DAG1: variants seen among roughly 807,000 people sequenced by gnomAD.
The protein encoded by DAG1 is dystroglycan 1.
DAG1 carries 8 observed loss-of-function variants against 46.1 expected under a neutral mutation model. The ratio of observed to expected loss-of-function variants is 0.17; its 90% CI spans 0.10 to 0.31. The LOEUF is 0.31. Among genes scored for constraint, DAG1 ranks in the 10% least tolerant of loss-of-function variants. The pLI is 1.00. For missense variants in DAG1, 1,003 were observed against 1,189.9 expected (o/e 0.84, Z 2.31); for synonymous variants, 495 against 481.8 (o/e 1.03, Z -0.36).
chr3:49,500,951 T>A (rs992820033), intron 1 of DAG1, among the ~76,000 whole-genome samples: 4 of 152,180 alleles, frequency 2.6e-5, no homozygotes, highest in Non-Finnish European at 5.9e-5. Context: ...CTGATACAAG[T>A]ATATGGATGC....
intron 1 of DAG1, among the ~76,000 whole-genome samples, chr3:49,494,376 G>A (rs2050258329): frequency 6.6e-6 from 1 of 152,070 alleles, no homozygotes; most frequent in African/African-American, 2.4e-5. Context: ...CAAGGGCTGG[G>A]TTGCCTGGAG....
At chr3:49,486,419 C>T (rs1299945423) in intron 1 of DAG1, among the ~76,000 whole-genome samples, 2 of 151,748 alleles carry the variant, frequency 1.3e-5, no homozygotes, top group African/African-American at 2.4e-5. Flanking sequence ...AGGGTTTCAC[C>T]GTGTTAGCCA....
chr3:49,510,637 C>T lies in DAG1; in HGVS notation c.103C>T (p.Pro35Ser), dbSNP rs1198541924. Residue 35 changes from proline (P) to serine (S), a missense_variant, in exon 2 of 3, where the codon CCC (proline) becomes TCC (serine). Transcript: ENST00000308775. Reference protein sequence around the residue: ...VMAQSHWPSEPSEAVRDWENQ... With the variant: ...VMAQSHWPSESSEAVRDWENQ... ...GGCTCAGTCCCACTGGCCCAGTGAA[C>T]CCTCAGAGGCTGTCAGGGACTGGGA... 3.7e-6 allele frequency: 6 copies of T among 1,614,166 alleles called. No individual in the cohort carries two copies. In the Middle Eastern group the frequency reaches 6.6e-4, roughly 178 times the overall value.
chr3:49,482,395 T>C (rs551145952), intron 1 of DAG1, among the ~76,000 whole-genome samples: 1 of 152,314 alleles, frequency 6.6e-6, no homozygotes, highest in Non-Finnish European at 1.5e-5. Context: ...GGAAGGCCAC[T>C]GTCTCCTGCC....
chr3:49,478,433 AAAAAT>A (rs1019441764), intron 1 of DAG1, among the ~76,000 whole-genome samples: 16 of 147,998 alleles, frequency 1.1e-4, no homozygotes, highest in South Asian at 4.3e-4. Flanking sequence ...TGTCTCTACA[AAAAAT>A]AAAAAAAAAA....
In DAG1 at chr3:49,532,636, G is replaced by A. The variant is rs1273117353; in HGVS notation, c.2125G>A (p.Gly709Ser). The A allele has an allele frequency of 1.1e-5, 17 of 1,614,006 alleles. No individual in the cohort carries two copies. The highest frequency in any genetic ancestry group is 1.4e-5 in the Non-Finnish European group (16 of 1,179,862). Residue 709 changes from glycine to serine, a missense_variant, in exon 3 of 3, where the codon GGC (glycine) becomes AGC (serine). Physicochemically the swap from Gly to Ser is moderately conservative, Grantham distance 56. This residue lies in a region of DAG1 where 755 missense variants were observed against 854.1 expected (regional missense o/e 0.88). Coordinates refer to ENST00000308775, the MANE Select transcript of DAG1 (RefSeq NM_004393.6). The surrounding 1 kb of genome is among the most constrained non-coding windows in gnomAD (Gnocchi z 5.4). ...DFKATSITVT[G>S]SGSCRHLQFI... ...TAAGGCCACAAGCATCACTGTGACG[G>A]GCTCTGGCAGTTGTCGGCACCTACA...
At chr3:49,473,924 T>C (rs1486832560) in intron 1 of DAG1, among the ~76,000 whole-genome samples, 3 of 149,388 alleles carry the variant, frequency 2.0e-5, no homozygotes, top group East Asian at 2.0e-4. Flanking sequence ...CACTCTGTTA[T>C]CCAGGCTGGA....
At chr3:49,504,675 C>T (rs1374249476) in intron 1 of DAG1, among the ~76,000 whole-genome samples, 1 of 140,700 alleles carries the variant, frequency 7.1e-6, no homozygotes, top group East Asian at 2.0e-4. Flanking sequence ...CAACCTCTGC[C>T]TCCTGGGTTC....
chr3:49,491,149 A>G (rs2050171701), intron 1 of DAG1, among the ~76,000 whole-genome samples: 1 of 151,284 alleles, frequency 6.6e-6, no homozygotes, highest in Non-Finnish European at 1.5e-5. Flanking sequence ...CTTCCAAAGT[A>G]CAGGCGTGAG....
chr3:49,470,485 C>G (rs1426703095), intron 1 of DAG1, 52 bp downstream of exon 1: 1 of 152,338 alleles, frequency 6.6e-6, no homozygotes, highest in Non-Finnish European at 1.5e-5. Flanking sequence ...GGGCCCCCAT[C>G]CCTGCTGCCG....
intron 1 of DAG1, among the ~76,000 whole-genome samples, chr3:49,485,657 C>CTT (rs749730213): frequency 2.2e-4 from 18 of 82,054 alleles, no homozygotes; most frequent in Admixed American, 6.0e-4. Flanking sequence ...TGTTTTCTTT[C>CTT]TTTTTTTTTT....
chr3:49,498,346 T>A (rs2050365841), intron 1 of DAG1, among the ~76,000 whole-genome samples: 1 of 152,196 alleles, frequency 6.6e-6, no homozygotes, highest in Non-Finnish European at 1.5e-5. Context: ...CTTTCTCATC[T>A]GACGCCAAGG....
chr3:49,532,438 A>G lies in DAG1; in HGVS notation c.1927A>G (p.Ser643Gly), dbSNP rs1484525895. 2 of 1,614,252 alleles carry G rather than the reference A, an allele frequency of 1.2e-6. No individual in the cohort carries two copies. Among genetic ancestry groups the G allele is most frequent in the Non-Finnish European group, 1.7e-6 (2 of 1,180,046 alleles). The change falls in exon 3 of 3, where the codon AGC (serine) becomes GGC (glycine). Residue 643 changes from serine (S) to glycine (G), a missense_variant. Around this residue, in one of 3 missense-constraint regions of DAG1, gnomAD observed 755 missense variants for 854.1 expected, o/e 0.88. Transcript: ENST00000308775. This position sits in a 1 kb window ranked among gnomAD's most constrained non-coding sequence, Gnocchi z 5.4. ...CTTCGCCTTTGGAGACCGAAACTGTAGCACCATCACCCTGCAGAATATCAC... is the reference window on the plus strand; with the variant it reads ...CTTCGCCTTTGGAGACCGAAACTGTGGCACCATCACCCTGCAGAATATCAC... ...LAFAFGDRNC[S>G]TITLQNITRG...
Position 49,531,998 on chromosome 3 carries a change from G to C in DAG1, c.1487G>C (p.Arg496Pro). The change falls in exon 3 of 3, where the codon CGC (arginine) becomes CCC (proline). Residue 496 changes from arginine to proline, a missense_variant. Transcript: ENST00000308775. This position sits in a 1 kb window ranked among gnomAD's most constrained non-coding sequence, Gnocchi z 7.0. ...CCCCGTGGCGGAGAACCCAACCAGCGCCCAGAGCTCAAGAACCATATTGAC... is the reference window on the plus strand; with the variant it reads ...CCCCGTGGCGGAGAACCCAACCAGCCCCCAGAGCTCAAGAACCATATTGAC... ...GVPRGGEPNQ[R>P]PELKNHIDRV... The C allele has an allele frequency of 6.2e-7, 1 of 1,614,136 alleles. No homozygotes were observed. The highest frequency in any genetic ancestry group is 8.5e-7 in the Non-Finnish European group (1 of 1,180,036).
At chr3:49,487,689 A>AT (rs1483239639) in intron 1 of DAG1, among the ~76,000 whole-genome samples, 160 of 103,842 alleles carry the variant, frequency 1.5e-3, no homozygotes, top group African/African-American at 5.5e-3. Flanking sequence ...AGCCCCATAC[A>AT]TTCTTTTTTT....
intron 1 of DAG1, among the ~76,000 whole-genome samples, chr3:49,478,789 T>G (rs2049773061): frequency 1.4e-5 from 2 of 140,300 alleles, no homozygotes; most frequent in African/African-American, 2.6e-5. Flanking sequence ...AAAAGTCTCT[T>G]GTCGTCCCCT....
intron 2 of DAG1, among the ~76,000 whole-genome samples, chr3:49,512,360 G>A (rs892725007): frequency 1.3e-5 from 2 of 151,674 alleles, no homozygotes. Flanking sequence ...ACGTCACCAC[G>A]CCCAGCTAAT....
rs760114682 is a variant in DAG1 at position 49,510,708 on chromosome 3, C to T, written c.174C>T (p.His58=). The T allele has an allele frequency of 1.3e-5, 21 of 1,614,058 alleles. No homozygotes were observed. The highest frequency in any genetic ancestry group is 1.6e-4 in the Middle Eastern group (1 of 6,084). Residue 58 remains histidine, a synonymous_variant, in exon 2 of 3, where the codon CAC becomes CAT. Transcript: ENST00000308775. The part of the protein sequence containing the change: ...ASMHSVLSDL[H]EAVPTVVGIP... ...TGCACTCAGTGCTCTCAGACCTCCA[C>T]GAGGCTGTTCCCACAGTGGTTGGCA...
At chr3:49,514,841 A>G (rs1224191625) in intron 2 of DAG1, among the ~76,000 whole-genome samples, 1 of 150,974 alleles carries the variant, frequency 6.6e-6, no homozygotes, top group Non-Finnish European at 1.5e-5. Flanking sequence ...GTGTGTACAC[A>G]TACATAGACA....
Sources: allele counts gnomAD v4.1 joint callset (sites outside exome capture counted in the v4.1 genomes callset), GRCh38; gene constraint gnomAD v4.1.1; regional missense constraint gnomAD v4.1.1; non-coding constraint Gnocchi (gnomAD v3.1); transcripts MANE v1.5; gene names NCBI Gene and HGNC (gene_info 2026-07-23, HGNC 2026-07-21).